MAST2: variants seen among roughly 807,000 people sequenced by gnomAD.
MAST2 encodes microtubule associated serine/threonine kinase 2.
MAST2 carries 70 observed loss-of-function variants against 147.4 expected under a neutral mutation model. The observed-to-expected ratio is 0.47, with a 90% CI of 0.39 to 0.58. The LOEUF is 0.58. Ranked by LOEUF, MAST2 falls within the 20% of genes least tolerant of loss-of-function variation. The pLI, the probability that MAST2 is intolerant of heterozygous loss-of-function variation, is 0.00. For missense variants in MAST2, 2,080 were observed against 2,302.3 expected, an observed-to-expected ratio of 0.90 and a Z score of 1.98; for synonymous variants, 869 against 896.8, an observed-to-expected ratio of 0.97 and a Z score of 0.55.
intron 3 of MAST2, among the ~76,000 whole-genome samples, chr1:45,882,012 TA>T (rs71062722): frequency 0.097 from 3,820 of 39,464 alleles, 68 homozygotes; most frequent in Non-Finnish European, 0.13. Flanking sequence ...CCGTCTCTAC[TA>T]AAAAAAAAAA....
At chr1:45,908,165 A>G (rs192961800) in intron 4 of MAST2, among the ~76,000 whole-genome samples, 1 of 151,524 alleles carries the variant, frequency 6.6e-6, no homozygotes, top group Admixed American at 6.6e-5. Context: ...TTTCTTTATT[A>G]TATTTTGAAT....
chr1:45,837,780 T>C (rs932824342), intron 3 of MAST2, among the ~76,000 whole-genome samples: 1 of 152,186 alleles, frequency 6.6e-6, no homozygotes, highest in Non-Finnish European at 1.5e-5. Context: ...CTAGGTATTA[T>C]CATATATTTT....
chr1:45,880,617 T>A (rs1646802372), intron 3 of MAST2, among the ~76,000 whole-genome samples: 1 of 152,216 alleles, frequency 6.6e-6, no homozygotes, highest in Non-Finnish European at 1.5e-5. Context: ...AATCAAATAC[T>A]GAATTTTAGC....
At chr1:45,963,098 G>C (rs1293040700) in intron 5 of MAST2, among the ~76,000 whole-genome samples, 1 of 151,886 alleles carries the variant, frequency 6.6e-6, no homozygotes, top group Non-Finnish European at 1.5e-5. Context: ...ATTTCTGAGG[G>C]CTCTGTTCTG....
chr1:45,927,179 A>C (rs949544768), intron 4 of MAST2, among the ~76,000 whole-genome samples: 7 of 152,318 alleles, frequency 4.6e-5, no homozygotes, highest in African/African-American at 1.7e-4. Flanking sequence ...GGGTAATAGA[A>C]TATCACAAGG....
intron 4 of MAST2, among the ~76,000 whole-genome samples, chr1:45,933,905 G>GTTT (rs11423169): frequency 1.4e-5 from 2 of 147,378 alleles, no homozygotes; most frequent in Non-Finnish European, 1.5e-5. Context: ...AAAATTTTAA[G>GTTT]TTTTTTTTTT....
In MAST2 at chr1:46,030,482, G is replaced by T. The variant is rs923589668; in HGVS notation, c.2554-125G>T. On this transcript the variant is annotated intron_variant, in intron 21 of 28. Transcript: ENST00000361297. The stretch of plus-strand genomic sequence containing the variant: ...CTCCTTCCCCAAATATTCAGCAGGG[G>T]TGTGTGAAGGAGGGATGGAACCGAC... The T allele has an allele frequency of 2.0e-5, 22 of 1,118,408 alleles. No individual in the cohort carries two copies. In the African/African-American group the frequency reaches 3.5e-4, roughly 18 times the overall value. The allele number at this position is 1,118,408 out of a possible 1,614,324, so 69.3% of individuals were successfully genotyped here. A position where few individuals can be genotyped will look rare whatever the true frequency, so the allele number is the denominator to read the frequency against.
intron 4 of MAST2, among the ~76,000 whole-genome samples, chr1:45,884,855 A>G (rs995809890): frequency 2.6e-5 from 4 of 152,188 alleles, no homozygotes; most frequent in African/African-American, 9.6e-5. Context: ...CTGAATTGCC[A>G]TACTTGTAAA....
intron 10 of MAST2, among the ~76,000 whole-genome samples, chr1:46,012,893 G>A (rs1016307289): frequency 2.0e-5 from 3 of 151,840 alleles, no homozygotes; most frequent in African/African-American, 4.8e-5. Flanking sequence ...TCAAGTGATC[G>A]CCCTGCCTCG....
chr1:45,974,906 T>C (rs1644072242), intron 5 of MAST2, among the ~76,000 whole-genome samples: 1 of 152,206 alleles, frequency 6.6e-6, no homozygotes, highest in African/African-American at 2.4e-5. Context: ...AGGAATAAAA[T>C]CCTTAAAGAG....
At chr1:45,954,390 A>T (rs1344234284) in intron 4 of MAST2, among the ~76,000 whole-genome samples, 3 of 152,170 alleles carry the variant, frequency 2.0e-5, no homozygotes, top group African/African-American at 4.8e-5. Context: ...AGAATGCACG[A>T]TATGCCTTAG....
At chr1:45,866,747 C>CTT (rs5773895) in intron 3 of MAST2, among the ~76,000 whole-genome samples, 3 of 147,756 alleles carry the variant, frequency 2.0e-5, no homozygotes, top group Admixed American at 6.8e-5. Context: ...ATTTTGTCTA[C>CTT]TTTTTTTTTT....
chr1:45,835,323 G>C (rs1645072727), intron 3 of MAST2, among the ~76,000 whole-genome samples: 1 of 151,970 alleles, frequency 6.6e-6, no homozygotes, highest in Non-Finnish European at 1.5e-5. Flanking sequence ...GTTCTGACAG[G>C]GAGAGCCATG....
At chr1:45,807,540 T>G (rs1257791961) in intron 1 of MAST2, among the ~76,000 whole-genome samples, 2 of 151,994 alleles carry the variant, frequency 1.3e-5, no homozygotes, top group East Asian at 3.9e-4. Flanking sequence ...TCTTAACATT[T>G]GTGATTTTTT....
intron 4 of MAST2, among the ~76,000 whole-genome samples, chr1:45,935,786 T>A (rs185953050): frequency 6.6e-6 from 1 of 152,354 alleles, no homozygotes; most frequent in Admixed American, 6.5e-5. Flanking sequence ...TTTTGGTTAC[T>A]GTAGCCTTGT....
At chr1:45,966,756 C>A (rs982208667) in intron 5 of MAST2, among the ~76,000 whole-genome samples, 47 of 151,962 alleles carry the variant, frequency 3.1e-4, no homozygotes, top group African/African-American at 9.9e-4. Context: ...AGGCCGCCTT[C>A]CAAAGGGGTG....
chr1:46,000,097 T>C (rs546734677), intron 6 of MAST2, among the ~76,000 whole-genome samples: 58 of 152,296 alleles, frequency 3.8e-4, no homozygotes, highest in Non-Finnish European at 5.7e-4. Context: ...GCATATCACT[T>C]GAAGTCGGGA....
At chr1:45,880,482 A>G (rs956348388) in intron 3 of MAST2, among the ~76,000 whole-genome samples, 1 of 152,130 alleles carries the variant, frequency 6.6e-6, no homozygotes. Flanking sequence ...TTTGATAGAG[A>G]TTTAGGTTAT....
chr1:45,884,288 C>G (rs1366696004), intron 4 of MAST2, among the ~76,000 whole-genome samples: 1 of 152,082 alleles, frequency 6.6e-6, no homozygotes, highest in Non-Finnish European at 1.5e-5. Context: ...TGGCTCACAC[C>G]TATAGTCCCA....
Sources: allele counts gnomAD v4.1 joint callset (sites outside exome capture counted in the v4.1 genomes callset), GRCh38; gene constraint gnomAD v4.1.1; transcripts MANE v1.5; gene names NCBI Gene and HGNC (gene_info 2026-07-23, HGNC 2026-07-21).